ME3: variants seen among roughly 807,000 people sequenced by gnomAD.
ME3 encodes malic enzyme 3, also known as NADP-dependent malic enzyme, mitochondrial.
Under a neutral mutation model 68.9 loss-of-function variants are expected in ME3, and 48 were observed. That is an observed-to-expected ratio of 0.70 (90% CI 0.55 to 0.89). The LOEUF is 0.89. Ranked by LOEUF, ME3 falls within the 40% of genes least tolerant of loss-of-function variation. The pLI is 0.00. For synonymous variants in ME3, 320 were observed against 318.8 expected, an observed-to-expected ratio of 1.00 and a Z score of -0.04; for missense variants, 675 against 797.4, an observed-to-expected ratio of 0.85 and a Z score of 1.85.
intron 5 of ME3, among the ~76,000 whole-genome samples, chr11:86,502,744 C>A (rs1041387633): frequency 1.3e-5 from 2 of 152,180 alleles, no homozygotes; most frequent in Non-Finnish European, 2.9e-5. Context: ...ATTCATAACT[C>A]CCCTGTCTCT....
chr11:86,464,848 A>G (rs1950398556), intron 8 of ME3, among the ~76,000 whole-genome samples: 1 of 152,274 alleles, frequency 6.6e-6, no homozygotes, highest in Non-Finnish European at 1.5e-5. Flanking sequence ...ACATTAAATC[A>G]CATAATTCTT....
intron 7 of ME3, among the ~76,000 whole-genome samples, chr11:86,479,932 A>G (rs1232751715): frequency 6.6e-6 from 1 of 151,842 alleles, no homozygotes; most frequent in Non-Finnish European, 1.5e-5. Context: ...CTCATGCCTC[A>G]GCCTCCTGAG....
chr11:86,480,287 A>G (rs1216424715), intron 7 of ME3, among the ~76,000 whole-genome samples: 1 of 152,210 alleles, frequency 6.6e-6, no homozygotes, highest in Non-Finnish European at 1.5e-5. Context: ...AATAAAGCTC[A>G]CTTCCCAGAG....
At chr11:86,672,194 C>T (rs1594856739) in intron 1 of ME3, 130 bp downstream of exon 1, 3 of 422,874 alleles carry the variant, frequency 7.1e-6, no homozygotes, top group Admixed American at 9.0e-5. Context: ...GAAGCAGATC[C>T]GGTGCGGGTG....
At chr11:86,482,561 T>A (rs664613) in intron 7 of ME3, among the ~76,000 whole-genome samples, 2 of 149,528 alleles carry the variant, frequency 1.3e-5, no homozygotes, top group Admixed American at 1.3e-4. Flanking sequence ...ATTTATTTCC[T>A]TGTATAACCT....
rs151283698 is a variant in ME3 at position 86,575,453 on chromosome 11, A to G, written c.184-15630T>C. ...TACAGAGATGTAGGTGATTCAGCAA[A>G]GATAATGTGCAAGGAAATGATTTGG... On this transcript the variant is annotated intron_variant, in intron 2 of 14. Coordinates refer to ENST00000543262, the Ensembl canonical transcript of ME3. 2.6e-3 allele frequency among the ~76,000 whole-genome samples: 384 copies of G among 147,698 alleles called. 66 individuals carry two copies. Among genetic ancestry groups the G allele is most frequent in the African/African-American group, 9.8e-3 (377 of 38,482 alleles).
At chr11:86,583,949 G>A (rs889561839) in intron 2 of ME3, among the ~76,000 whole-genome samples, 1 of 152,062 alleles carries the variant, frequency 6.6e-6, no homozygotes, top group Non-Finnish European at 1.5e-5. Flanking sequence ...GGCAAAAACA[G>A]TAAAAATAAA....
At chr11:86,541,340 G>A (rs575003477) in intron 4 of ME3, among the ~76,000 whole-genome samples, 1 of 152,308 alleles carries the variant, frequency 6.6e-6, no homozygotes, top group South Asian at 2.1e-4. Context: ...AGGGAGCCAA[G>A]TGGTCTAGCT....
At chr11:86,530,553 C>T (rs915519997) in intron 4 of ME3, among the ~76,000 whole-genome samples, 7 of 152,148 alleles carry the variant, frequency 4.6e-5, no homozygotes, top group Admixed American at 1.3e-4. Context: ...CAATCCTAAG[C>T]CAAAAGAACA....
rs146133265 is a variant in ME3 at position 86,441,515 on chromosome 11, G to C, written c.1654-75C>G. ...CTTAAGGATCCTTGCTTGGGAGCAT[G>C]GGGGAGGGGAATACACCTTAAGGAA... On this transcript the variant is annotated intron_variant, in intron 14 of 14. Transcript: ENST00000543262. 10 of 1,410,652 alleles carry C rather than the reference G, an allele frequency of 7.1e-6. No individual in the cohort carries two copies. In the East Asian group the frequency reaches 2.4e-4, roughly 33 times the overall value. The allele number at this position is 1,410,652 out of a possible 1,614,324, so 87.4% of individuals were successfully genotyped here.
chr11:86,654,357 G>A lies in ME3; in HGVS notation c.183+17405C>T, dbSNP rs575198444. Among the ~76,000 whole-genome samples the A allele has an allele frequency of 3.2e-3, 490 of 152,288 alleles. 5 individuals are homozygous for A. Among genetic ancestry groups the A allele is most frequent in the African/African-American group, 0.011 (471 of 41,558 alleles). On this transcript the variant is annotated intron_variant, in intron 2 of 14. Coordinates refer to ENST00000543262, the Ensembl canonical transcript of ME3. ...ATGCAAAAATCCTCAATAAAATACT[G>A]GCAAACTGAATCCAGCAGCACATCA... is the stretch of plus-strand genomic sequence containing the variant.
intron 2 of ME3, among the ~76,000 whole-genome samples, chr11:86,602,162 T>C (rs1960796467): frequency 6.6e-6 from 1 of 151,508 alleles, no homozygotes; most frequent in African/African-American, 2.4e-5. Context: ...GGAAGTCAAA[T>C]TGTCCCTGTT....
At chr11:86,500,719 T>G (rs1952668968) in intron 5 of ME3, among the ~76,000 whole-genome samples, 1 of 152,232 alleles carries the variant, frequency 6.6e-6, no homozygotes, top group South Asian at 2.1e-4. Flanking sequence ...TGTGCTGGCC[T>G]TCTCATTCTT....
chr11:86,547,318 A>T (rs1036411252), intron 4 of ME3, among the ~76,000 whole-genome samples: 1 of 151,862 alleles, frequency 6.6e-6, no homozygotes, highest in African/African-American at 2.4e-5. Flanking sequence ...GGTTAAGTTC[A>T]TGTTATTTGC....
chr11:86,606,676 A>G (rs113969591), intron 2 of ME3, among the ~76,000 whole-genome samples: 1,560 of 152,304 alleles, frequency 0.01, 25 homozygotes, highest in African/African-American at 0.03. Context: ...CATACTGGGA[A>G]GTGACCAATA....
intron 2 of ME3, chr11:86,667,736 G>A (rs1240554165): frequency 2.0e-5 from 3 of 152,048 alleles, no homozygotes; most frequent in African/African-American, 4.8e-5. Context: ...GGAATAGGAC[G>A]GCTCTTCCTA....
intron 2 of ME3, among the ~76,000 whole-genome samples, chr11:86,621,380 TC>T (rs1943340911): frequency 6.6e-6 from 1 of 150,618 alleles, no homozygotes; most frequent in South Asian, 2.1e-4. Context: ...ACTTTTTTGC[TC>T]CTCAGTCTTG....
intron 4 of ME3, among the ~76,000 whole-genome samples, chr11:86,523,879 AAATTCT>A (rs1439902305): frequency 2.0e-5 from 3 of 152,088 alleles, no homozygotes; most frequent in African/African-American, 7.2e-5. Flanking sequence ...CAGAATCTAA[AAATTCT>A]AATTCCACAA....
At chr11:86,600,955 G>C (rs1370840192) in intron 2 of ME3, among the ~76,000 whole-genome samples, 1 of 150,518 alleles carries the variant, frequency 6.6e-6, no homozygotes, top group Admixed American at 6.6e-5. Flanking sequence ...TCAAAGCAGT[G>C]TGTAGAGGGA....
Sources: gnomAD v4.1 joint callset for allele counts (sites outside exome capture counted in the v4.1 genomes callset) on GRCh38, gnomAD v4.1.1 for gene constraint, MANE v1.5 for transcripts, NCBI Gene and HGNC (gene_info 2026-07-23, HGNC 2026-07-21) for gene names.